The following EPHA5 variants were observed in gnomAD, a reference collection of about 807,000 sequenced individuals.
EPHA5 encodes the protein ephrin type-A receptor 5.
EPHA5 carries 60 observed loss-of-function variants against 105.0 expected under a neutral mutation model. That is an observed-to-expected ratio of 0.57 (90% CI 0.46 to 0.71). The LOEUF is 0.71. EPHA5 is among the 30% of genes least tolerant of loss of function. The pLI, the probability that EPHA5 is intolerant of heterozygous loss-of-function variation, is 0.00. For missense variants in EPHA5, 1,218 were observed against 1,274.7 expected, an observed-to-expected ratio of 0.96 and a Z score of 0.68; for synonymous variants, 513 against 449.1, an observed-to-expected ratio of 1.14 and a Z score of -1.80.
In EPHA5 at chr4:65,551,097, T is replaced by G. The variant is rs1477593133; in HGVS notation, c.910+50544A>C. 3.9e-5 allele frequency among the ~76,000 whole-genome samples: 6 copies of G among 151,948 alleles called. No individual in the cohort carries two copies. In the South Asian group the frequency reaches 1.0e-3, roughly 26 times the overall value. On this transcript the variant is annotated intron_variant, in intron 3 of 16. Transcript: ENST00000613740. ...ACACACGTATGTATATTCACATATATGTGTATATATGAAATATATTTACAT... is the reference window on the plus strand; with the variant it reads ...ACACACGTATGTATATTCACATATAGGTGTATATATGAAATATATTTACAT...
At chr4:65,434,886 A>G (rs1430149329) in intron 5 of EPHA5, among the ~76,000 whole-genome samples, 2 of 152,208 alleles carry the variant, frequency 1.3e-5, no homozygotes, top group East Asian at 3.9e-4. Flanking sequence ...GAAGACTTTT[A>G]TGTGATTTTT....
chr4:65,654,148 C>T (rs1046086107), intron 1 of EPHA5, among the ~76,000 whole-genome samples: 2 of 151,536 alleles, frequency 1.3e-5, no homozygotes, highest in African/African-American at 4.8e-5. Context: ...GCAACCATAA[C>T]ACCATGAACA....
At chr4:65,367,961 G>GCTTCACTTT (rs1401503487) in intron 8 of EPHA5, among the ~76,000 whole-genome samples, 7 of 151,714 alleles carry the variant, frequency 4.6e-5, no homozygotes, top group African/African-American at 1.7e-4. Flanking sequence ...AAGCCTCTCA[G>GCTTCACTTT]CTTCACTTTT....
intron 2 of EPHA5, among the ~76,000 whole-genome samples, chr4:65,618,881 G>A (rs1361297248): frequency 6.6e-6 from 1 of 152,166 alleles, no homozygotes; most frequent in Non-Finnish European, 1.5e-5. Flanking sequence ...TTGGTTGGGC[G>A]CGGTGGCTCA....
chr4:65,503,805 T>A (rs1732727768), intron 3 of EPHA5, among the ~76,000 whole-genome samples: 1 of 151,524 alleles, frequency 6.6e-6, no homozygotes, highest in Non-Finnish European at 1.5e-5. Flanking sequence ...ACATTACCCG[T>A]CACATATTTA....
At chr4:65,408,596 C>T (rs932717070) in intron 7 of EPHA5, among the ~76,000 whole-genome samples, 1 of 152,046 alleles carries the variant, frequency 6.6e-6, no homozygotes, top group Non-Finnish European at 1.5e-5. Context: ...AAAATGCTCA[C>T]CATCACTGGC....
At chr4:65,529,466 A>G (rs1735556950) in intron 3 of EPHA5, among the ~76,000 whole-genome samples, 1 of 152,154 alleles carries the variant, frequency 6.6e-6, no homozygotes, top group South Asian at 2.1e-4. Context: ...GCACACACAC[A>G]AATACAACAT....
intron 8 of EPHA5, among the ~76,000 whole-genome samples, chr4:65,373,553 A>G (rs1031207291): frequency 2.0e-5 from 3 of 151,942 alleles, no homozygotes; most frequent in African/African-American, 7.2e-5. Flanking sequence ...GATAATAGTT[A>G]ATGTTTCAAA....
intron 3 of EPHA5, among the ~76,000 whole-genome samples, chr4:65,575,689 AG>A (rs1378635463): frequency 6.6e-6 from 1 of 152,086 alleles, no homozygotes; most frequent in Non-Finnish European, 1.5e-5. Context: ...TAACTGCAGA[AG>A]GCTGCACGTG....
chr4:65,371,171 T>TA lies in EPHA5; in HGVS notation c.1794-3748dup, dbSNP rs1232090561. Among the ~76,000 whole-genome samples, 3 of 152,136 alleles carry TA rather than the reference T, an allele frequency of 2.0e-5. No homozygotes were observed. In the East Asian group the frequency reaches 5.8e-4, roughly 29 times the overall value. ...TTAATGAACTTTGAAATTATTTTACTAAAAACATCTGTAGTGTCTGTATTT... is the reference window on the plus strand; with the variant it reads ...TTAATGAACTTTGAAATTATTTTACTAAAAAACATCTGTAGTGTCTGTATTT... On this transcript the variant is annotated intron_variant, in intron 8 of 16. Transcript: ENST00000613740.
chr4:65,653,902 G>A (rs941656552), intron 1 of EPHA5, among the ~76,000 whole-genome samples: 2 of 151,854 alleles, frequency 1.3e-5, no homozygotes, highest in African/African-American at 4.8e-5. Context: ...TGGATCAGAG[G>A]GGTCTTAGCA....
At chr4:65,569,560 TA>T (rs1186066649) in intron 3 of EPHA5, among the ~76,000 whole-genome samples, 1 of 151,684 alleles carries the variant, frequency 6.6e-6, no homozygotes, top group Non-Finnish European at 1.5e-5. Flanking sequence ...CCAGATAAAT[TA>T]AAAGACATTA....
intron 13 of EPHA5, 92 bp from the exon 14 acceptor site, chr4:65,348,295 T>C (rs1722416617): frequency 4.2e-6 from 5 of 1,182,234 alleles, no homozygotes; most frequent in South Asian, 3.1e-5. Flanking sequence ...GACAGAGATG[T>C]AGCATTTTTA....
intron 1 of EPHA5, among the ~76,000 whole-genome samples, chr4:65,643,928 A>G (rs1310078888): frequency 6.6e-6 from 1 of 152,068 alleles, no homozygotes; most frequent in Non-Finnish European, 1.5e-5. Flanking sequence ...TGATATTAAC[A>G]GAAATCTGTA....
intron 11 of EPHA5, among the ~76,000 whole-genome samples, chr4:65,358,219 C>T (rs562069795): frequency 3.4e-4 from 52 of 151,588 alleles, no homozygotes; most frequent in African/African-American, 1.2e-3. Flanking sequence ...TTTTTATTTG[C>T]ATTCATACCA....
intron 5 of EPHA5, among the ~76,000 whole-genome samples, chr4:65,460,036 C>T (rs985292614): frequency 1.3e-5 from 2 of 151,628 alleles, no homozygotes; most frequent in South Asian, 2.1e-4. Context: ...CTTTGAATCT[C>T]GACGTGAGAA....
rs963138878 is a variant in EPHA5, at chr4:65,669,844, C to T, written c.-102G>A. On this transcript the variant is annotated 5_prime_UTR_variant, in exon 1 of 17. Transcript: ENST00000613740. Reference sequence around the variant, plus strand: ...AGACTCGGGAGTCCTCCTTGTCCCCCCTTGGGGTCCTACGCCTTCTGGCAC... The same window carrying T: ...AGACTCGGGAGTCCTCCTTGTCCCCTCTTGGGGTCCTACGCCTTCTGGCAC... The T allele has an allele frequency of 2.4e-6, 3 of 1,231,628 alleles. No individual in the cohort carries two copies. The highest frequency in any genetic ancestry group is 3.0e-6 in the Non-Finnish European group (3 of 988,132). 76.3% of individuals were successfully genotyped at this position (1,231,628 alleles called of 1,614,324 possible). A position where few individuals can be genotyped will look rare whatever the true frequency, so the allele number is the denominator to read the frequency against.
chr4:65,406,275 T>C (rs1255428435), intron 7 of EPHA5, among the ~76,000 whole-genome samples: 1 of 152,170 alleles, frequency 6.6e-6, no homozygotes, highest in Non-Finnish European at 1.5e-5. Flanking sequence ...ATTTTAAAAT[T>C]CTGTCTGAAA....
At chr4:65,560,661 G>T (rs1738913716) in intron 3 of EPHA5, among the ~76,000 whole-genome samples, 1 of 151,964 alleles carries the variant, frequency 6.6e-6, no homozygotes, top group Non-Finnish European at 1.5e-5. Context: ...TCTCTAAGTT[G>T]AAAGTTGCAT....
Sources: gnomAD v4.1 joint callset for allele counts (sites outside exome capture counted in the v4.1 genomes callset) on GRCh38, gnomAD v4.1.1 for gene constraint, MANE v1.5 for transcripts, NCBI Gene and HGNC (gene_info 2026-07-23, HGNC 2026-07-21) for gene names.